MYT1L: variants seen among roughly 807,000 people sequenced by gnomAD.
MYT1L encodes the protein myelin transcription factor 1 like.
A neutral mutation model predicts 126.7 loss-of-function variants in MYT1L; 12 were observed. The ratio of observed to expected loss-of-function variants is 0.09; its 90% CI spans 0.06 to 0.15. MYT1L has a LOEUF of 0.15. Among genes scored for constraint, MYT1L ranks in the 10% least tolerant of loss-of-function variants. The pLI is 1.00. For synonymous variants in MYT1L, 541 were observed against 604.2 expected (o/e 0.90, Z 1.53); for missense variants, 979 against 1,585.2 (o/e 0.62, Z 6.49).
intron 2 of MYT1L, among the ~76,000 whole-genome samples, chr2:2,240,104 C>T (rs2094409081): frequency 6.6e-6 from 1 of 152,064 alleles, no homozygotes; most frequent in Non-Finnish European, 1.5e-5. Flanking sequence ...TTGAGACCAG[C>T]CTGGCCAACA....
intron 2 of MYT1L, among the ~76,000 whole-genome samples, chr2:2,252,782 G>A (rs2094690123): frequency 6.6e-6 from 1 of 152,074 alleles, no homozygotes; most frequent in Admixed American, 6.6e-5. Context: ...GCATCCCTGG[G>A]TGTGCTCAGT....
intron 2 of MYT1L, among the ~76,000 whole-genome samples, chr2:2,273,136 A>G (rs1371731048): frequency 6.6e-6 from 1 of 151,870 alleles, no homozygotes; most frequent in Non-Finnish European, 1.5e-5. Context: ...CCCTGCCACA[A>G]TTCTGGACTC....
intron 21 of MYT1L, among the ~76,000 whole-genome samples, chr2:1,819,174 C>T (rs780723306): frequency 2.6e-5 from 4 of 152,202 alleles, no homozygotes; most frequent in Admixed American, 6.5e-5. Flanking sequence ...CACTGCTATT[C>T]GGCAGTGACA....
intron 15 of MYT1L, among the ~76,000 whole-genome samples, chr2:1,890,897 T>C (rs1262840159): frequency 6.6e-6 from 1 of 152,352 alleles, no homozygotes; most frequent in Non-Finnish European, 1.5e-5. Context: ...TGTACTCTGA[T>C]TTGAAGCTTT....
At chr2:2,256,055 C>T (rs1470953186) in intron 2 of MYT1L, among the ~76,000 whole-genome samples, 3 of 152,168 alleles carry the variant, frequency 2.0e-5, no homozygotes, top group African/African-American at 7.2e-5. Flanking sequence ...TCCACCTGAC[C>T]TTGCCACAGG....
At chr2:1,822,215 C>T (rs2038642573) in intron 21 of MYT1L, among the ~76,000 whole-genome samples, 1 of 152,178 alleles carries the variant, frequency 6.6e-6, no homozygotes, top group Admixed American at 6.5e-5. Context: ...ATGGGATGGT[C>T]TGCACTTCCC....
At chr2:1,994,932 AAAG>A (rs2061711877) in intron 5 of MYT1L, among the ~76,000 whole-genome samples, 1 of 152,216 alleles carries the variant, frequency 6.6e-6, no homozygotes, top group African/African-American at 2.4e-5. Context: ...CTAAAAGAAT[AAAG>A]AACAGACAGA....
intron 3 of MYT1L, among the ~76,000 whole-genome samples, chr2:2,122,034 CTG>C (rs1168515472): frequency 2.6e-5 from 4 of 152,218 alleles, no homozygotes; most frequent in South Asian, 2.1e-4. Context: ...TCTTGTTAAA[CTG>C]TGCGTCTGTC....
intron 4 of MYT1L, among the ~76,000 whole-genome samples, chr2:2,020,747 T>C (rs1420477097): frequency 1.3e-5 from 2 of 152,266 alleles, no homozygotes; most frequent in African/African-American, 2.4e-5. Context: ...CTACGTTGTA[T>C]GTGGCACCTA....
chr2:2,147,580 C>T (rs1458323485), intron 3 of MYT1L, among the ~76,000 whole-genome samples: 1 of 152,262 alleles, frequency 6.6e-6, no homozygotes. Context: ...GCCACATATT[C>T]TGCCACCAAC....
chr2:1,861,803 C>T (rs797005561), intron 18 of MYT1L, among the ~76,000 whole-genome samples: 166 of 142,864 alleles, frequency 1.2e-3, no homozygotes, highest in Non-Finnish European at 1.4e-3. Flanking sequence ...ACTGTGTAAT[C>T]CTAGATCTGC....
chr2:2,029,424 C>A (rs2065981906), intron 4 of MYT1L, among the ~76,000 whole-genome samples: 1 of 152,188 alleles, frequency 6.6e-6, no homozygotes, highest in South Asian at 2.1e-4. Context: ...GGCAAGAGAG[C>A]TTGTGCAGGG....
At chr2:2,199,819 C>T (rs1228108486) in intron 2 of MYT1L, among the ~76,000 whole-genome samples, 1 of 152,188 alleles carries the variant, frequency 6.6e-6, no homozygotes, top group Non-Finnish European at 1.5e-5. Flanking sequence ...CTCATGCAGA[C>T]ACACAAACCT....
chr2:2,148,994 T>G (rs2085320579), intron 3 of MYT1L, among the ~76,000 whole-genome samples: 1 of 152,176 alleles, frequency 6.6e-6, no homozygotes, highest in African/African-American at 2.4e-5. Flanking sequence ...TTGCTCTTAT[T>G]CCATGATATG....
At chr2:2,093,751 G>A (rs1414906901) in intron 3 of MYT1L, among the ~76,000 whole-genome samples, 11 of 152,230 alleles carry the variant, frequency 7.2e-5, no homozygotes, top group East Asian at 3.9e-4. Flanking sequence ...TGTTTTAGAC[G>A]TGAAGTCCTT....
At position 2,230,734 on chromosome 2, in the gene MYT1L, C is replaced by T. The variant is rs527956926; in HGVS notation, c.-421+53670G>A. Among the ~76,000 whole-genome samples the T allele has an allele frequency of 2.5e-4, 38 of 152,348 alleles. No individual in the cohort carries two copies. The South Asian group carries it at 7.7e-3, about 31-fold the overall frequency. On this transcript the variant is annotated intron_variant, in intron 2 of 24. Transcript: ENST00000647738. Reference sequence around the variant, plus strand: ...TGCCGGGGGCTCTGTCTCAAGCGGGCTGCACACCACGCTGAAAGATTCCAC... The same window carrying T: ...TGCCGGGGGCTCTGTCTCAAGCGGGTTGCACACCACGCTGAAAGATTCCAC...
chr2:2,221,166 T>G (rs1446710851), intron 2 of MYT1L, among the ~76,000 whole-genome samples: 1 of 152,192 alleles, frequency 6.6e-6, no homozygotes, highest in South Asian at 2.1e-4. Flanking sequence ...GTTTGGATCC[T>G]AAGAGTACAG....
intron 19 of MYT1L, among the ~76,000 whole-genome samples, chr2:1,850,662 C>T (rs761055357): frequency 5.9e-5 from 9 of 152,174 alleles, no homozygotes; most frequent in Non-Finnish European, 1.2e-4. Flanking sequence ...CCAGTTTGAG[C>T]AAGAATCCTG....
At chr2:2,134,285 C>T (rs2148060411) in intron 3 of MYT1L, among the ~76,000 whole-genome samples, 1 of 152,296 alleles carries the variant, frequency 6.6e-6, no homozygotes, top group South Asian at 2.1e-4. Flanking sequence ...TGCTACCATG[C>T]CACGAAGATG....
Sources: gnomAD v4.1 joint callset for allele counts (sites outside exome capture counted in the v4.1 genomes callset) on GRCh38, gnomAD v4.1.1 for gene constraint, MANE v1.5 for transcripts, NCBI Gene and HGNC (gene_info 2026-07-23, HGNC 2026-07-21) for gene names.